Variants in MYO7A observed in about 807,000 individuals in gnomAD.
The protein encoded by MYO7A is myosin VIIA.
In MYO7A, 210 loss-of-function variants were observed where a neutral mutation model predicts 263.8. The observed-to-expected ratio is 0.80, with a 90% confidence interval of 0.71 to 0.89. The LOEUF (loss-of-function observed/expected upper bound fraction) is 0.89. Among genes scored for constraint, MYO7A ranks in the 40% least tolerant of loss-of-function variants. The pLI is 0.00. For missense variants in MYO7A, 2,820 were observed against 2,968.3 expected (o/e 0.95, Z 1.16); for synonymous variants, 1,239 against 1,197.3 (o/e 1.03, Z -0.72).
intron 40 of MYO7A, 58 bp downstream of exon 40, chr11:77,205,675 G>A (rs1591484832): frequency 1.9e-6 from 3 of 1,602,420 alleles, no homozygotes; most frequent in East Asian, 2.2e-5. Flanking sequence ...GCCACGCGGG[G>A]CTTGTGGGAT....
chr11:77,140,678 C>G (rs1026712114), intron 2 of MYO7A, among the ~76,000 whole-genome samples: 1 of 152,160 alleles, frequency 6.6e-6, no homozygotes, highest in African/African-American at 2.4e-5. Flanking sequence ...GGGGTAAGCC[C>G]AGGGTCAGGG....
chr11:77,188,020 G>T lies in MYO7A; in HGVS notation c.3504-1324G>T, dbSNP rs190054902. Among the ~76,000 whole-genome samples, 14 of 152,358 alleles carry T rather than the reference G, an allele frequency of 9.2e-5. No homozygotes were observed. The East Asian group carries it at 1.7e-3, about 19-fold the overall frequency. On this transcript the variant is annotated intron_variant, in intron 27 of 48. Coordinates refer to ENST00000409709, the MANE Select transcript of MYO7A (RefSeq NM_000260.4). ...TGCTGCAGGCGTGTCTCAGGGGCAA[G>T]AATTTGCCTCCAAATTATCTCACCA...
At chr11:77,163,884 T>C (rs1953262812) in intron 14 of MYO7A, among the ~76,000 whole-genome samples, 1 of 152,172 alleles carries the variant, frequency 6.6e-6, no homozygotes, top group Admixed American at 6.5e-5. Flanking sequence ...CTCTGAACAC[T>C]TGTGTACAAA....
At chr11:77,133,758 C>A (rs1950833442) in intron 2 of MYO7A, among the ~76,000 whole-genome samples, 1 of 152,144 alleles carries the variant, frequency 6.6e-6, no homozygotes, top group Non-Finnish European at 1.5e-5. Context: ...AAGGAAGGAC[C>A]TCTGCCATTT....
rs113383470 is a variant in MYO7A, at chr11:77,205,226, T to C, written c.5481-236T>C. Among the ~76,000 whole-genome samples the C allele has an allele frequency of 0.013, 2,011 of 152,280 alleles. 54 individuals carry two copies. The highest frequency in any genetic ancestry group is 0.046 in the African/African-American group (1,912 of 41,548). ...TTATCTCCACGTGGACTGGTAGCAG[T>C]GTGTGGCCTGGCGCGGTGGGCCAGG... On this transcript the variant is annotated intron_variant, in intron 39 of 48. Coordinates refer to ENST00000409709, the MANE Select transcript of MYO7A (RefSeq NM_000260.4).
intron 46 of MYO7A, 94 bp downstream of exon 46, chr11:77,212,031 GC>G: frequency 2.8e-6 from 3 of 1,069,106 alleles, no homozygotes; most frequent in Non-Finnish European, 4.2e-6. Flanking sequence ...AAGAGCCATG[GC>G]CTTGGACACC....
rs35689081 is a variant in MYO7A at position 77,142,783 on chromosome 11, C to A, written c.93C>A (p.Cys31Ter). The A allele has an allele frequency of 2.9e-5, 46 of 1,610,724 alleles. No homozygotes were observed. Among genetic ancestry groups the A allele is most frequent in the Non-Finnish European group, 3.5e-5 (41 of 1,178,814 alleles). ...DVPIGAVVKL[C>*]DSGQVQVVDD... ...CCATCGGGGCGGTGGTGAAGCTCTG[C>A]GACTCTGGGCAGGTCCAGGTGGTGG... The change falls in exon 3 of 49, where the codon TGC (cysteine) becomes TGA (stop). Residue 31 changes from cysteine to a stop codon, truncating the protein, a stop_gained. Transcript: ENST00000409709. LOFTEE classifies it high-confidence loss of function.
rs111033201 is a variant in MYO7A at position 77,174,825 on chromosome 11, C to G, written c.2005C>G (p.Arg669Gly). ...AATGATGGAGACCATCCGAATCCGC[C>G]GAGCTGGCTACCCCATCCGCTACAG... is the stretch of plus-strand genomic sequence containing the variant. The part of the protein sequence containing the change: ...SGMMETIRIR[R>G]AGYPIRYSFV... The change falls in exon 17 of 49, where the codon CGA (arginine) becomes GGA (glycine). Residue 669 changes from arginine to glycine, a missense_variant. Coordinates refer to ENST00000409709, the MANE Select transcript of MYO7A (RefSeq NM_000260.4). 5 of 1,613,406 alleles carry G rather than the reference C, an allele frequency of 3.1e-6. No homozygotes were observed. The highest frequency in any genetic ancestry group is 4.2e-6 in the Non-Finnish European group (5 of 1,179,806).
intron 40 of MYO7A, 125 bp from the exon 41 acceptor site, chr11:77,205,972 C>A: frequency 1.3e-6 from 1 of 771,478 alleles, no homozygotes; most frequent in Non-Finnish European, 2.2e-6. Context: ...GACTCAGTGG[C>A]CGGTCACATC....
intron 2 of MYO7A, among the ~76,000 whole-genome samples, chr11:77,131,202 C>G (rs928817241): frequency 6.6e-6 from 1 of 152,098 alleles, no homozygotes; most frequent in Non-Finnish European, 1.5e-5. Flanking sequence ...GTCTGAGGCT[C>G]TAATGAGCTC....
In MYO7A at chr11:77,160,225, G is replaced by A. The variant is rs781795932; in HGVS notation, c.1143G>A (p.Thr381=). ...GCACCCTCATCACCCGCGGGGAGAC[G>A]GTGTCCACCCCACTGAGCAGGGAAC... ...TSRTLITRGE[T]VSTPLSREQA... is the part of the protein sequence containing the mutation. The change falls in exon 11 of 49, where the codon ACG becomes ACA. Residue 381 remains threonine, a synonymous_variant. Coordinates refer to ENST00000409709, the MANE Select transcript of MYO7A (RefSeq NM_000260.4). The A allele has an allele frequency of 1.1e-5, 18 of 1,581,496 alleles. No homozygotes were observed. The East Asian group carries it at 1.9e-4, about 16-fold the overall frequency.
At position 77,177,693 on chromosome 11, in the gene MYO7A, C is replaced by T. The variant is rs372159700; in HGVS notation, c.2282+50C>T. The T allele has an allele frequency of 4.3e-5, 64 of 1,482,474 alleles. 2 individuals are homozygous for T. The South Asian group carries it at 4.4e-4, about 10-fold the overall frequency. The allele number at this position is 1,482,474 out of a possible 1,614,324, so 91.8% of individuals were successfully genotyped here. A position where few individuals can be genotyped will look rare whatever the true frequency, so the allele number is the denominator to read the frequency against. On this transcript the variant is annotated intron_variant, in intron 19 of 48. Transcript: ENST00000409709. ...CCTCCTCAGCCCACATACAGGTGTA[C>T]GTGTGGTGTTTGGCTCTCCTCTGCT...
intron 8 of MYO7A, among the ~76,000 whole-genome samples, chr11:77,157,737 T>C (rs1403599651): frequency 2.0e-5 from 3 of 152,202 alleles, no homozygotes; most frequent in Admixed American, 2.0e-4. Flanking sequence ...TGTGTGTGCA[T>C]GTGTGTGTTG....
At chr11:77,199,339 T>G (rs941149126) in intron 34 of MYO7A, among the ~76,000 whole-genome samples, 196 bp from the exon 35 acceptor site, 20 of 152,144 alleles carry the variant, frequency 1.3e-4, no homozygotes, top group African/African-American at 4.8e-4. Flanking sequence ...GGAAGTGGCA[T>G]GTAGGTTGAG....
At chr11:77,182,198 G>A in intron 24 of MYO7A, 44 bp downstream of exon 24, 1 of 1,607,318 alleles carries the variant, frequency 6.2e-7, no homozygotes, top group Non-Finnish European at 8.5e-7. Context: ...TGGGGCCAGG[G>A]CTGGGGCTAT....
At position 77,203,170 on chromosome 11, in the gene MYO7A, T is replaced by C; in HGVS notation, c.5279T>C (p.Leu1760Pro). Residue 1760 changes from leucine to proline, a missense_variant, in exon 38 of 49, where the codon CTC (leucine) becomes CCC (proline). Leu to Pro is a moderately conservative substitution (Grantham distance 98). Transcript: ENST00000409709. Reference protein sequence around the residue: ...EPLKQALLKKLLGSEELSQEA... With the variant: ...EPLKQALLKKPLGSEELSQEA... ...CTCAAGCAGGCGCTGCTCAAGAAGC[T>C]CCTGGGCAGTGAGGAGCTCTCGCAG... is the stretch of plus-strand genomic sequence containing the variant. 1 of 1,551,950 alleles carries C rather than the reference T, an allele frequency of 6.4e-7. No homozygotes were observed.
chr11:77,171,188 G>A lies in MYO7A; in HGVS notation c.1798-1560G>A, dbSNP rs782592347. On this transcript the variant is annotated intron_variant, in intron 15 of 48. Transcript: ENST00000409709. Reference sequence around the variant, plus strand: ...GTGCGTGCGCGTGTGTGTACACGCGGTGGTATGCGTGTGCTCCTAGTGGCG... The same window carrying A: ...GTGCGTGCGCGTGTGTGTACACGCGATGGTATGCGTGTGCTCCTAGTGGCG... Among the ~76,000 whole-genome samples the A allele has an allele frequency of 1.7e-3, 258 of 152,234 alleles. 6 individuals carry two copies. Among genetic ancestry groups the A allele is most frequent in the Non-Finnish European group, 5.6e-4 (38 of 68,034 alleles).
rs1200395627 is a variant in MYO7A at position 77,203,132 on chromosome 11, C to G, written c.5241C>G (p.His1747Gln). The change falls in exon 38 of 49, where the codon CAC becomes CAG. Residue 1747 changes from histidine to glutamine, a missense_variant. By Grantham distance (24) the His-to-Gln change is conservative (BLOSUM62 0). Coordinates refer to ENST00000409709, the MANE Select transcript of MYO7A (RefSeq NM_000260.4). ...KARGKDRLWS[H>Q]TREPLKQALL... ...GAGGCAAGGACCGGCTGTGGAGCCA[C>G]ACGCGGGAACCGCTCAAGCAGGCGC... 4 of 1,550,452 alleles carry G rather than the reference C, an allele frequency of 2.6e-6. 1 individual carries two copies. The South Asian group carries it at 4.8e-5, about 18-fold the overall frequency.
chr11:77,129,835 T>C (rs543732276), intron 1 of MYO7A, among the ~76,000 whole-genome samples: 1 of 152,272 alleles, frequency 6.6e-6, no homozygotes, highest in Admixed American at 6.5e-5. Context: ...GGCCAGGAGA[T>C]GGCAAGAGCT....
Sources: allele counts gnomAD v4.1 joint callset (sites outside exome capture counted in the v4.1 genomes callset), GRCh38; gene constraint gnomAD v4.1.1; transcripts MANE v1.5; gene names NCBI Gene and HGNC (gene_info 2026-07-23, HGNC 2026-07-21).